Variants in CNTNAP5 observed in about 807,000 individuals in gnomAD.
CNTNAP5 encodes contactin-associated protein-like 5.
In CNTNAP5, 72 loss-of-function variants were observed where a neutral mutation model predicts 150.2. That is an observed-to-expected ratio of 0.48 (90% CI 0.40 to 0.58). The LOEUF (loss-of-function observed/expected upper bound fraction) is 0.58, where lower values mean the gene tolerates loss of function less well. CNTNAP5 is among the 20% of genes least tolerant of loss of function. The pLI, the probability that CNTNAP5 is intolerant of heterozygous loss-of-function variation, is 0.00. For synonymous variants in CNTNAP5, 672 were observed against 619.8 expected (o/e 1.08, Z -1.25); for missense variants, 1,636 against 1,626.2 (o/e 1.01, Z -0.10).
chr2:124,070,777 G>T (rs765256095), intron 1 of CNTNAP5, among the ~76,000 whole-genome samples: 1 of 151,830 alleles, frequency 6.6e-6, no homozygotes. Context: ...CCATTTTCAG[G>T]ATTAGACAGA....
At chr2:124,658,245 G>A (rs552398191) in intron 13 of CNTNAP5, among the ~76,000 whole-genome samples, 5 of 152,110 alleles carry the variant, frequency 3.3e-5, no homozygotes, top group Non-Finnish European at 5.9e-5. Context: ...AGGCTTGTGG[G>A]GAGCTGCCCT....
chr2:124,510,231 A>G (rs1694526304), intron 8 of CNTNAP5, among the ~76,000 whole-genome samples: 1 of 115,630 alleles, frequency 8.6e-6, no homozygotes, highest in Admixed American at 9.0e-5. Context: ...AAAGTAAATT[A>G]TATATCTATA....
chr2:124,397,554 G>A (rs1691284099), intron 3 of CNTNAP5, among the ~76,000 whole-genome samples: 1 of 152,250 alleles, frequency 6.6e-6, no homozygotes, highest in Middle Eastern at 3.4e-3. Context: ...GAATTTGCAG[G>A]AGCGTTCAGT....
chr2:124,639,938 C>G (rs1573515359), intron 12 of CNTNAP5, among the ~76,000 whole-genome samples: 1 of 152,034 alleles, frequency 6.6e-6, no homozygotes, highest in Admixed American at 6.6e-5. Context: ...ACCCACTCCC[C>G]CCTTTGCTGC....
intron 8 of CNTNAP5, among the ~76,000 whole-genome samples, chr2:124,511,934 T>A (rs924482586): frequency 6.6e-6 from 1 of 152,048 alleles, no homozygotes; most frequent in African/African-American, 2.4e-5. Flanking sequence ...TAGGGTTTTT[T>A]TTTTTTTTGC....
intron 11 of CNTNAP5, among the ~76,000 whole-genome samples, chr2:124,590,305 C>T (rs916569313): frequency 6.6e-6 from 1 of 152,166 alleles, no homozygotes; most frequent in African/African-American, 2.4e-5. Flanking sequence ...CTGTAGCAAC[C>T]ACTAATCTGG....
At chr2:124,441,549 T>C (rs923155654) in intron 5 of CNTNAP5, among the ~76,000 whole-genome samples, 3 of 152,072 alleles carry the variant, frequency 2.0e-5, no homozygotes, top group Admixed American at 1.3e-4. Flanking sequence ...ATTTATTAAA[T>C]ATTACTTTTA....
intron 13 of CNTNAP5, among the ~76,000 whole-genome samples, chr2:124,684,507 C>T (rs1364078662): frequency 6.6e-6 from 1 of 152,148 alleles, no homozygotes; most frequent in Non-Finnish European, 1.5e-5. Context: ...CTGACTTTCT[C>T]TTGTAAACTG....
intron 3 of CNTNAP5, among the ~76,000 whole-genome samples, chr2:124,244,511 C>T (rs987625821): frequency 1.3e-5 from 2 of 152,066 alleles, no homozygotes; most frequent in East Asian, 1.9e-4. Context: ...CAGGGCCCTC[C>T]GTCTACAGTG....
chr2:124,747,694 A>G (rs1454599699), intron 14 of CNTNAP5, among the ~76,000 whole-genome samples: 2 of 127,496 alleles, frequency 1.6e-5, no homozygotes, highest in Non-Finnish European at 3.1e-5. Flanking sequence ...ATCTTGGCTC[A>G]CTGCAACCTC....
At chr2:124,842,451 T>G (rs1255028031) in intron 19 of CNTNAP5, among the ~76,000 whole-genome samples, 1 of 152,180 alleles carries the variant, frequency 6.6e-6, no homozygotes, top group African/African-American at 2.4e-5. Flanking sequence ...GTATTTTTAT[T>G]TCCTTGAAAA....
At chr2:124,510,305 A>ATCTATATATCTATATATCTATATC (rs55913869) in intron 8 of CNTNAP5, among the ~76,000 whole-genome samples, 2 of 96,282 alleles carry the variant, frequency 2.1e-5, no homozygotes, top group Non-Finnish European at 4.0e-5. Flanking sequence ...ATATATCTAT[A>ATCTATATATCTATATATCTATATC]TATATATCTA....
chr2:124,202,829 G>A (rs183955462), intron 1 of CNTNAP5, among the ~76,000 whole-genome samples: 131 of 152,060 alleles, frequency 8.6e-4, no homozygotes, highest in African/African-American at 2.9e-3. Context: ...CCTCCCACTG[G>A]GTCCCTCCTA....
chr2:124,111,961 A>G (rs944632384), intron 1 of CNTNAP5, among the ~76,000 whole-genome samples: 1 of 152,212 alleles, frequency 6.6e-6, no homozygotes, highest in African/African-American at 2.4e-5. Flanking sequence ...CTGATGGGCA[A>G]GAACACTGAA....
chr2:124,702,030 C>T (rs1318194563), intron 13 of CNTNAP5, among the ~76,000 whole-genome samples: 1 of 151,960 alleles, frequency 6.6e-6, no homozygotes, highest in African/African-American at 2.4e-5. Context: ...AATATTTTCT[C>T]TTTATGACTT....
At chr2:124,097,864 T>TAA (rs1418395317) in intron 1 of CNTNAP5, among the ~76,000 whole-genome samples, 1 of 152,074 alleles carries the variant, frequency 6.6e-6, no homozygotes, top group African/African-American at 2.4e-5. Context: ...CCGTCTCTAC[T>TAA]AAAAATACAA....
intron 16 of CNTNAP5, among the ~76,000 whole-genome samples, chr2:124,770,818 A>G (rs1386809086): frequency 2.0e-5 from 3 of 152,260 alleles, no homozygotes; most frequent in South Asian, 2.1e-4. Flanking sequence ...TTGAACATGC[A>G]GTATGTGCCA....
intron 1 of CNTNAP5, among the ~76,000 whole-genome samples, chr2:124,124,422 C>T (rs1683637815): frequency 6.6e-6 from 1 of 151,994 alleles, no homozygotes; most frequent in Non-Finnish European, 1.5e-5. Flanking sequence ...GTGAAAAGAC[C>T]AAATCTACGT....
At chr2:124,817,258 G>A (rs1682383633) in intron 19 of CNTNAP5, among the ~76,000 whole-genome samples, 1 of 152,204 alleles carries the variant, frequency 6.6e-6, no homozygotes, top group Admixed American at 6.5e-5. Flanking sequence ...GAGGTAGGGA[G>A]AATGAGGGAA....
Sources: allele counts gnomAD v4.1 joint callset (sites outside exome capture counted in the v4.1 genomes callset), GRCh38; gene constraint gnomAD v4.1.1; transcripts MANE v1.5; gene names NCBI Gene and HGNC (gene_info 2026-07-23, HGNC 2026-07-21).